CTNNA3: variants seen among roughly 807,000 people sequenced by gnomAD.
The protein encoded by CTNNA3 is catenin alpha 3.
In CTNNA3, 76 loss-of-function variants were observed where a neutral mutation model predicts 95.7. That is an observed-to-expected ratio of 0.79 (90% confidence interval 0.66 to 0.96). The LOEUF (loss-of-function observed/expected upper bound fraction) is 0.96, where lower values mean the gene tolerates loss of function less well. Among genes scored for constraint, CTNNA3 ranks in the 40% least tolerant of loss-of-function variants. CTNNA3 has a pLI of 0.00. For synonymous variants in CTNNA3, 431 were observed against 374.4 expected (o/e 1.15, Z -1.74); for missense variants, 1,191 against 1,089.8 (o/e 1.09, Z -1.31).
At chr10:67,460,597 A>C (rs987693296) in intron 5 of CTNNA3, among the ~76,000 whole-genome samples, 5 of 152,116 alleles carry the variant, frequency 3.3e-5, no homozygotes, top group Non-Finnish European at 5.9e-5. Flanking sequence ...TTTTCATTTT[A>C]TTACTTTTCT....
chr10:67,725,294 A>G (rs927624030), intron 1 of CTNNA3, among the ~76,000 whole-genome samples: 1 of 151,236 alleles, frequency 6.6e-6, no homozygotes, highest in African/African-American at 2.4e-5. Context: ...CTCCTGCCTC[A>G]GCCTCCCAAG....
intron 15 of CTNNA3, among the ~76,000 whole-genome samples, chr10:66,038,467 G>A (rs1364037706): frequency 1.3e-5 from 2 of 152,116 alleles, no homozygotes; most frequent in Non-Finnish European, 2.9e-5. Context: ...AGGAGCCTAT[G>A]CTGTCTCATT....
intron 8 of CTNNA3, among the ~76,000 whole-genome samples, chr10:66,767,275 G>A (rs768626326): frequency 4.6e-5 from 7 of 151,762 alleles, no homozygotes; most frequent in East Asian, 3.9e-4. Flanking sequence ...GTAAAACCCC[G>A]TCTCTACTAA....
At chr10:66,899,631 A>C (rs1240213240) in intron 7 of CTNNA3, among the ~76,000 whole-genome samples, 2 of 151,996 alleles carry the variant, frequency 1.3e-5, no homozygotes, top group African/African-American at 4.8e-5. Context: ...ACCGGGAAAA[A>C]CGGTACACTT....
chr10:66,927,963 A>G lies in CTNNA3; in HGVS notation c.1048-152439T>C, dbSNP rs1228061621. 6.2e-7 allele frequency: 1 copy of G among 1,614,236 alleles called. No homozygotes were observed. Among genetic ancestry groups the G allele is most frequent in the Non-Finnish European group, 8.5e-7 (1 of 1,180,044 alleles). On this transcript the variant is annotated intron_variant, in intron 7 of 17. Transcript: ENST00000433211. This position sits in a 1 kb window ranked among gnomAD's most constrained non-coding sequence, Gnocchi z 4.7. ...CCAGTCCCAAAGAGCTGCAAGGAGT[A>G]AATGTGATCGATGCAGTGAAGAACT...
At chr10:66,417,116 T>A (rs551861357) in intron 11 of CTNNA3, among the ~76,000 whole-genome samples, 2 of 152,128 alleles carry the variant, frequency 1.3e-5, no homozygotes, top group African/African-American at 4.8e-5. Flanking sequence ...TTTAAAAAAA[T>A]GATCCAACTA....
At chr10:67,128,767 T>G (rs1859847791) in intron 7 of CTNNA3, among the ~76,000 whole-genome samples, 1 of 152,096 alleles carries the variant, frequency 6.6e-6, no homozygotes, top group Non-Finnish European at 1.5e-5. Context: ...CATAAAATAT[T>G]TTTTATAAAT....
chr10:66,538,531 A>T (rs1317225664), intron 10 of CTNNA3, among the ~76,000 whole-genome samples: 1 of 152,204 alleles, frequency 6.6e-6, no homozygotes, highest in Non-Finnish European at 1.5e-5. Context: ...ATAACCAAAA[A>T]GAAAGTGCTT....
rs540546147 is a variant in CTNNA3, at chr10:67,560,922, C to T, written c.293-21253G>A. Among the ~76,000 whole-genome samples the T allele has an allele frequency of 5.9e-5, 9 of 152,200 alleles. No homozygotes were observed. The South Asian group carries it at 1.9e-3, about 32-fold the overall frequency. ...TTGCATAATGGTAAAGGGATCAATT[C>T]AACAAGAAGAGCTAACTATCCTAAA... On this transcript the variant is annotated intron_variant, in intron 3 of 17. Transcript: ENST00000433211.
At chr10:66,730,884 A>G (rs1487897400) in intron 9 of CTNNA3, among the ~76,000 whole-genome samples, 3 of 152,286 alleles carry the variant, frequency 2.0e-5, no homozygotes, top group East Asian at 3.9e-4. Flanking sequence ...CCTAAAAACT[A>G]CTCTGACTAA....
Position 66,832,081 on chromosome 10 carries a change from C to T in CTNNA3, c.1048-56557G>A, listed in dbSNP as rs561586128. Among the ~76,000 whole-genome samples the T allele has an allele frequency of 3.3e-5, 5 of 152,318 alleles. No homozygotes were observed. In the East Asian group the frequency reaches 7.7e-4, roughly 23 times the overall value. Reference sequence around the variant, plus strand: ...TCCTGAAAAACCCAGCACATTCTAACACCCAGAAGCACTGCAAACCACTAA... The same window carrying T: ...TCCTGAAAAACCCAGCACATTCTAATACCCAGAAGCACTGCAAACCACTAA... On this transcript the variant is annotated intron_variant, in intron 7 of 17. Coordinates refer to ENST00000433211, the MANE Select transcript of CTNNA3 (RefSeq NM_013266.4).
chr10:66,618,294 T>C (rs979684091), intron 10 of CTNNA3, among the ~76,000 whole-genome samples: 1 of 151,926 alleles, frequency 6.6e-6, no homozygotes, highest in Admixed American at 6.6e-5. Context: ...GGCATCACGC[T>C]ACCTGACTTC....
chr10:67,684,312 T>C (rs1840686890), intron 1 of CTNNA3, among the ~76,000 whole-genome samples: 1 of 152,176 alleles, frequency 6.6e-6, no homozygotes, highest in Admixed American at 6.5e-5. Flanking sequence ...TGGTGCATTT[T>C]TGCAGAGTGC....
At chr10:66,236,685 A>G (rs879547609) in intron 13 of CTNNA3, among the ~76,000 whole-genome samples, 7 of 152,206 alleles carry the variant, frequency 4.6e-5, no homozygotes, top group South Asian at 2.1e-4. Context: ...CAGAGAAAAA[A>G]TACACAGGAG....
intron 1 of CTNNA3, among the ~76,000 whole-genome samples, chr10:67,702,060 CA>C (rs1841044279): frequency 6.6e-6 from 1 of 152,070 alleles, no homozygotes; most frequent in Non-Finnish European, 1.5e-5. Flanking sequence ...GGGATCAATT[CA>C]ACAAGAAGAG....
At chr10:67,725,506 C>T (rs951831718) in intron 1 of CTNNA3, among the ~76,000 whole-genome samples, 2 of 152,002 alleles carry the variant, frequency 1.3e-5, no homozygotes, top group Non-Finnish European at 2.9e-5. Flanking sequence ...TAAGATCTGC[C>T]TGTCAAATAT....
chr10:66,229,332 T>G (rs2100877), intron 13 of CTNNA3, among the ~76,000 whole-genome samples: 32,542 of 152,086 alleles, frequency 0.21, 3,666 homozygotes, highest in South Asian at 0.29. Flanking sequence ...TACTTTTGTG[T>G]TTTTTCATAA....
chr10:66,245,247 GCTTCC>G (rs2090269017), intron 13 of CTNNA3, among the ~76,000 whole-genome samples: 1 of 152,162 alleles, frequency 6.6e-6, no homozygotes, highest in African/African-American at 2.4e-5. Context: ...ACTGCAAGCA[GCTTCC>G]CTGGCTGGCC....
chr10:66,624,358 G>T (rs1320622301), intron 9 of CTNNA3, among the ~76,000 whole-genome samples: 1 of 152,050 alleles, frequency 6.6e-6, no homozygotes, highest in Non-Finnish European at 1.5e-5. Context: ...CACCATGTAT[G>T]AATTGCCTTC....
Sources: allele counts gnomAD v4.1 joint callset (sites outside exome capture counted in the v4.1 genomes callset), GRCh38; gene constraint gnomAD v4.1.1; non-coding constraint Gnocchi (gnomAD v3.1); transcripts MANE v1.5; gene names NCBI Gene and HGNC (gene_info 2026-07-23, HGNC 2026-07-21).